DNAAF5: variants seen among roughly 807,000 people sequenced by gnomAD.
DNAAF5 encodes dynein axonemal assembly factor 5.
Under a neutral mutation model 75.8 loss-of-function variants are expected in DNAAF5, and 64 were observed. The ratio of observed to expected loss-of-function variants is 0.84; its 90% confidence interval spans 0.69 to 1.04. The LOEUF is 1.04. Among genes scored for constraint, DNAAF5 ranks in the 50% least tolerant of loss-of-function variants. The pLI, the probability that DNAAF5 is intolerant of heterozygous loss-of-function variation, is 0.00. For synonymous variants in DNAAF5, 657 were observed against 557.2 expected (o/e 1.18, Z -2.52); for missense variants, 1,269 against 1,178.5 (o/e 1.08, Z -1.12).
intron 6 of DNAAF5, among the ~76,000 whole-genome samples, chr7:761,232 G>C (rs897872420): frequency 1.5e-5 from 2 of 136,354 alleles, no homozygotes; most frequent in Non-Finnish European, 3.2e-5. Flanking sequence ...TTGACATGCC[G>C]GCACCCTACC....
intron 12 of DNAAF5, among the ~76,000 whole-genome samples, chr7:782,181 A>G (rs1313000360): frequency 4.6e-4 from 69 of 150,950 alleles, no homozygotes; most frequent in African/African-American, 1.4e-3. Flanking sequence ...GCCTCCCGAC[A>G]CGCGGCGTCA....
chr7:762,541 C>A (rs1319621756), intron 7 of DNAAF5, among the ~76,000 whole-genome samples: 1 of 151,808 alleles, frequency 6.6e-6, no homozygotes, highest in Non-Finnish European at 1.5e-5. Flanking sequence ...AGAGAAGATA[C>A]CGTGATTTCC....
At chr7:781,389 G>C (rs149267219) in intron 12 of DNAAF5, among the ~76,000 whole-genome samples, 15 of 152,116 alleles carry the variant, frequency 9.9e-5, no homozygotes, top group African/African-American at 2.4e-4. Context: ...ATTCCACTGC[G>C]TGCGCTCCAC....
At chr7:778,433 G>A (rs1778833601) in intron 11 of DNAAF5, 3 of 152,214 alleles carry the variant, frequency 2.0e-5, no homozygotes, top group Non-Finnish European at 4.4e-5. Flanking sequence ...AGACATCCAG[G>A]CCTCCCAGGA....
chr7:756,413 TC>T (rs1389357789), intron 5 of DNAAF5, among the ~76,000 whole-genome samples: 1 of 151,916 alleles, frequency 6.6e-6, no homozygotes, highest in Non-Finnish European at 1.5e-5. Flanking sequence ...GAGTGTGTGA[TC>T]CACTGTGGGC....
Position 786,405 on chromosome 7 carries a change from A to T in DNAAF5, c.*752A>T, listed in dbSNP as rs1779150984. ...TGTGTTCACACGGGGGAAATGCCGTATATATTTTTCAACAAATATTAACGT... is the reference window on the plus strand; with the variant it reads ...TGTGTTCACACGGGGGAAATGCCGTTTATATTTTTCAACAAATATTAACGT... On this transcript the variant is annotated 3_prime_UTR_variant, in exon 13 of 13. Coordinates refer to ENST00000297440, the MANE Select transcript of DNAAF5 (RefSeq NM_017802.4). The T allele has an allele frequency of 6.6e-6, 1 of 152,248 alleles. No homozygotes were observed. The highest frequency in any genetic ancestry group is 2.4e-5 in the African/African-American group (1 of 41,460). 9.4% of individuals were successfully genotyped at this position (152,248 alleles called of 1,614,324 possible). A position where few individuals can be genotyped will look rare whatever the true frequency, so the allele number is the denominator to read the frequency against.
At chr7:745,674 TAC>T (rs1369626016) in intron 4 of DNAAF5, among the ~76,000 whole-genome samples, 40 of 148,330 alleles carry the variant, frequency 2.7e-4, no homozygotes, top group Admixed American at 8.2e-4. Flanking sequence ...CACACACGTG[TAC>T]ACACATATAC....
chr7:774,638 G>A (rs1778697707), intron 10 of DNAAF5, among the ~76,000 whole-genome samples: 1 of 152,150 alleles, frequency 6.6e-6, no homozygotes, highest in South Asian at 2.1e-4. Flanking sequence ...CCTGGTCGCC[G>A]CCCGGCGGGA....
At chr7:774,262 G>GGCAGAGCTCCC in intron 10 of DNAAF5, 64 bp downstream of exon 10, 1 of 1,485,940 alleles carries the variant, frequency 6.7e-7, no homozygotes, top group African/African-American at 1.4e-5. Context: ...CCTGGCGCCC[G>GGCAGAGCTCCC]GCAGAGCTCC....
chr7:733,543 G>A (rs1388927780), intron 2 of DNAAF5, among the ~76,000 whole-genome samples: 1 of 152,016 alleles, frequency 6.6e-6, no homozygotes, highest in East Asian at 1.9e-4. Flanking sequence ...GTCATCCAGG[G>A]TGGAGTGCAG....
intron 11 of DNAAF5, among the ~76,000 whole-genome samples, chr7:779,184 C>G (rs1239717993): frequency 6.6e-6 from 1 of 152,258 alleles, no homozygotes; most frequent in Non-Finnish European, 1.5e-5. Flanking sequence ...GCAAAAGCAT[C>G]AGAGACCCAG....
chr7:767,560 C>T (rs952894636), intron 8 of DNAAF5, among the ~76,000 whole-genome samples: 1 of 152,206 alleles, frequency 6.6e-6, no homozygotes, highest in African/African-American at 2.4e-5. Context: ...AGAAGAAATG[C>T]TCTGGCAACC....
Position 770,479 on chromosome 7 carries a change from C to G in DNAAF5, c.1792C>G (p.Leu598Val). 6.2e-7 allele frequency: 1 copy of G among 1,613,366 alleles called. No individual in the cohort carries two copies. Among genetic ancestry groups the G allele is most frequent in the Non-Finnish European group, 8.5e-7 (1 of 1,179,836 alleles). ...SVIVAQSGPA[L>V]GEALPHVVPT... is the part of the protein sequence containing the mutation. ...TCTGTTGTGTCTTACAGGCCCTGCC[C>G]TGGGAGAAGCCCTGCCACACGTCGT... The change falls in exon 9 of 13, where the codon CTG (leucine) becomes GTG (valine). Residue 598 changes from leucine to valine, a missense_variant. Leu to Val is a conservative substitution (Grantham distance 32). Transcript: ENST00000297440.
intron 4 of DNAAF5, among the ~76,000 whole-genome samples, chr7:750,069 C>T (rs1242584974): frequency 6.6e-6 from 1 of 152,208 alleles, no homozygotes; most frequent in Non-Finnish European, 1.5e-5. Context: ...TGCTGAGTAA[C>T]AGCGTTTGAG....
intron 6 of DNAAF5, among the ~76,000 whole-genome samples, chr7:759,619 T>C (rs1005406416): frequency 1.3e-5 from 2 of 152,244 alleles, no homozygotes; most frequent in Non-Finnish European, 1.5e-5. Flanking sequence ...TGTATCTTTT[T>C]TCTTTTTCGT....
At chr7:740,272 A>C (rs1023579503) in intron 2 of DNAAF5, among the ~76,000 whole-genome samples, 1 of 152,216 alleles carries the variant, frequency 6.6e-6, no homozygotes. Context: ...AGGTAGGCAG[A>C]GGCCCTCGTG....
rs1781384189 is a variant in DNAAF5, at chr7:727,496, C to T, written c.595+181C>T. ...CCCGCCTGCCCCAAAGCACCCCGCC[C>T]GGCCCCCTCCTCCCACCACCACTGC... On this transcript the variant is annotated intron_variant, in intron 1 of 12. Coordinates refer to ENST00000297440, the MANE Select transcript of DNAAF5 (RefSeq NM_017802.4). The T allele has an allele frequency of 1.9e-5, 6 of 310,866 alleles. 1 individual carries two copies. In the South Asian group the frequency reaches 9.7e-4, roughly 50 times the overall value. The allele number at this position is 310,866 out of a possible 1,614,324, so 19.3% of individuals were successfully genotyped here.
At chr7:732,831 T>C (rs1241104163) in intron 2 of DNAAF5, among the ~76,000 whole-genome samples, 3 of 152,220 alleles carry the variant, frequency 2.0e-5, no homozygotes, top group South Asian at 2.1e-4. Context: ...AGAAGCTTTT[T>C]AACTTGATGT....
intron 12 of DNAAF5, among the ~76,000 whole-genome samples, chr7:782,792 A>G (rs1301029577): frequency 7.1e-6 from 1 of 141,122 alleles, no homozygotes; most frequent in African/African-American, 2.7e-5. Context: ...CCCGTCACGC[A>G]GCGTCAGAAA....
Sources: gnomAD v4.1 joint callset for allele counts (sites outside exome capture counted in the v4.1 genomes callset) on GRCh38, gnomAD v4.1.1 for gene constraint, MANE v1.5 for transcripts, NCBI Gene and HGNC (gene_info 2026-07-23, HGNC 2026-07-21) for gene names.